The following CCSER1 variants were observed in gnomAD, a reference collection of about 807,000 sequenced individuals.
CCSER1 encodes serine-rich coiled-coil domain-containing protein 1.
Under a neutral mutation model 82.0 loss-of-function variants are expected in CCSER1, and 41 were observed. The observed-to-expected ratio is 0.50, with a 90% CI of 0.39 to 0.65. The LOEUF (loss-of-function observed/expected upper bound fraction) is 0.65. Among genes scored for constraint, CCSER1 ranks in the 30% least tolerant of loss-of-function variants. The pLI, the probability that CCSER1 is intolerant of heterozygous loss-of-function variation, is 0.00. For missense variants in CCSER1, 1,119 were observed against 1,064.2 expected, an observed-to-expected ratio of 1.05 and a Z score of -0.72; for synonymous variants, 414 against 383.9, an observed-to-expected ratio of 1.08 and a Z score of -0.92.
chr4:90,699,504 C>T (rs1376769247), intron 6 of CCSER1, among the ~76,000 whole-genome samples: 4 of 152,142 alleles, frequency 2.6e-5, no homozygotes, highest in Admixed American at 2.6e-4. Context: ...AAAGTTCTCT[C>T]AAGACAAGGT....
intron 10 of CCSER1, among the ~76,000 whole-genome samples, chr4:91,144,620 CT>C (rs558166886): frequency 1.3e-4 from 20 of 148,500 alleles, no homozygotes; most frequent in Non-Finnish European, 2.2e-4. Context: ...CCTCTTAAAG[CT>C]TTTTTTTAAT....
intron 5 of CCSER1, among the ~76,000 whole-genome samples, chr4:90,510,759 T>C (rs57020151): frequency 0.01 from 1,583 of 152,282 alleles, 31 homozygotes; most frequent in African/African-American, 0.036. Flanking sequence ...ATTGAAGTTG[T>C]AGTGATATCT....
intron 9 of CCSER1, among the ~76,000 whole-genome samples, chr4:90,925,958 A>C (rs1056063202): frequency 1.3e-5 from 2 of 152,106 alleles, no homozygotes; most frequent in African/African-American, 4.8e-5. Flanking sequence ...TGCATGTGAA[A>C]AACTGGGGAT....
At chr4:90,610,471 G>A (rs572358691) in intron 5 of CCSER1, among the ~76,000 whole-genome samples, 18 of 151,916 alleles carry the variant, frequency 1.2e-4, no homozygotes, top group Non-Finnish European at 2.4e-4. Flanking sequence ...TTGCTTAAAC[G>A]TATTCATACA....
At chr4:90,517,111 TCAGA>T (rs571751014) in intron 5 of CCSER1, among the ~76,000 whole-genome samples, 76 of 152,258 alleles carry the variant, frequency 5.0e-4, no homozygotes, top group East Asian at 3.5e-3. Flanking sequence ...TTAAATGTGC[TCAGA>T]CACTTATATT....
intron 9 of CCSER1, among the ~76,000 whole-genome samples, chr4:91,078,652 C>T (rs911841892): frequency 2.6e-5 from 4 of 152,152 alleles, no homozygotes; most frequent in Admixed American, 2.0e-4. Flanking sequence ...GGAGGATGTA[C>T]GAACCCATCG....
chr4:91,554,650 G>A (rs975721250), intron 10 of CCSER1, among the ~76,000 whole-genome samples: 1 of 151,088 alleles, frequency 6.6e-6, no homozygotes, highest in African/African-American at 2.4e-5. Context: ...ATTCAATGCA[G>A]TCTCTATAAA....
intron 10 of CCSER1, among the ~76,000 whole-genome samples, chr4:91,427,667 T>A (rs1343984076): frequency 6.6e-6 from 1 of 152,248 alleles, no homozygotes; most frequent in East Asian, 1.9e-4. Flanking sequence ...TTGTGAGGAT[T>A]AACTTAACTA....
intron 8 of CCSER1, among the ~76,000 whole-genome samples, chr4:90,920,653 C>A (rs1457951803): frequency 6.6e-6 from 1 of 151,810 alleles, no homozygotes; most frequent in African/African-American, 2.4e-5. Context: ...CTCCAACATA[C>A]CATTTCCATA....
intron 8 of CCSER1, among the ~76,000 whole-genome samples, chr4:90,832,675 T>C (rs982871997): frequency 1.3e-5 from 2 of 152,332 alleles, no homozygotes; most frequent in East Asian, 1.9e-4. Context: ...CTTATTTTAA[T>C]TAGAAATGTT....
intron 5 of CCSER1, among the ~76,000 whole-genome samples, chr4:90,503,182 G>C (rs1770173174): frequency 6.6e-6 from 1 of 152,132 alleles, no homozygotes; most frequent in South Asian, 2.1e-4. Flanking sequence ...TGCAGTATGA[G>C]ATGAGTGTTA....
At chr4:91,413,197 C>A (rs1220792275) in intron 10 of CCSER1, among the ~76,000 whole-genome samples, 2 of 152,086 alleles carry the variant, frequency 1.3e-5, no homozygotes, top group Non-Finnish European at 2.9e-5. Context: ...AATCCCGGCA[C>A]TTTGGGAGAC....
chr4:90,391,035 G>A (rs142488579), intron 3 of CCSER1, among the ~76,000 whole-genome samples: 1,939 of 149,096 alleles, frequency 0.013, 25 homozygotes, highest in Non-Finnish European at 0.02. Flanking sequence ...AGGCTGAGGC[G>A]GACAGATCAC....
intron 1 of CCSER1, among the ~76,000 whole-genome samples, chr4:90,158,688 G>A (rs971352808): frequency 5.9e-5 from 9 of 152,322 alleles, no homozygotes; most frequent in African/African-American, 1.7e-4. Flanking sequence ...AGCCAGGTGC[G>A]GGATATAATC....
At chr4:90,247,779 T>C (rs1358284568) in intron 1 of CCSER1, among the ~76,000 whole-genome samples, 1 of 152,012 alleles carries the variant, frequency 6.6e-6, no homozygotes, top group Non-Finnish European at 1.5e-5. Flanking sequence ...TAATATATAG[T>C]CAGTTTTATA....
At chr4:91,128,571 CAA>C (rs1727712128) in intron 10 of CCSER1, among the ~76,000 whole-genome samples, 1 of 151,924 alleles carries the variant, frequency 6.6e-6, no homozygotes, top group Non-Finnish European at 1.5e-5. Context: ...CAAAACAAAA[CAA>C]AATCAGGAAA....
chr4:90,256,716 T>C (rs1320130859), intron 1 of CCSER1, among the ~76,000 whole-genome samples: 1 of 152,156 alleles, frequency 6.6e-6, no homozygotes. Context: ...GATTGACAAA[T>C]GAAAAGTGGG....
At chr4:91,482,773 G>C (rs1578580835) in intron 10 of CCSER1, among the ~76,000 whole-genome samples, 1 of 152,172 alleles carries the variant, frequency 6.6e-6, no homozygotes, top group Non-Finnish European at 1.5e-5. Context: ...CATAAAAAAT[G>C]ATGAGTTCAT....
At chr4:90,570,965 TAACA>T (rs1378115809) in intron 5 of CCSER1, among the ~76,000 whole-genome samples, 1 of 151,308 alleles carries the variant, frequency 6.6e-6, no homozygotes, top group Non-Finnish European at 1.5e-5. Context: ...TACAAGCAGC[TAACA>T]AACATATGAA....
Sources: allele counts gnomAD v4.1 joint callset (sites outside exome capture counted in the v4.1 genomes callset), GRCh38; gene constraint gnomAD v4.1.1; transcripts MANE v1.5; gene names NCBI Gene and HGNC (gene_info 2026-07-23, HGNC 2026-07-21).